Variants in ANKRD17 observed in about 807,000 individuals in gnomAD.
ANKRD17 encodes ankyrin repeat domain-containing protein 17.
ANKRD17 carries 19 observed loss-of-function variants against 229.7 expected under a neutral mutation model. That is an observed-to-expected ratio of 0.08 (90% CI 0.06 to 0.12). The LOEUF is 0.12. ANKRD17 is among the 10% of genes least tolerant of loss of function. The pLI is 1.00. For synonymous variants in ANKRD17, 1,112 were observed against 1,146.1 expected, an observed-to-expected ratio of 0.97 and a Z score of 0.60; for missense variants, 2,176 against 3,176.8, an observed-to-expected ratio of 0.68 and a Z score of 7.57.
At chr4:73,181,846 G>A (rs931702633) in intron 1 of ANKRD17, among the ~76,000 whole-genome samples, 21 of 151,646 alleles carry the variant, frequency 1.4e-4, no homozygotes, top group Non-Finnish European at 2.8e-4. Context: ...TTGGGAGTTC[G>A]AGACCAGCCT....
chr4:73,208,793 A>C (rs1254944972), intron 1 of ANKRD17, among the ~76,000 whole-genome samples: 1 of 152,244 alleles, frequency 6.6e-6, no homozygotes, highest in African/African-American at 2.4e-5. Flanking sequence ...ATAGTGTTTA[A>C]TATTAGTAGT....
At chr4:73,247,867 C>T (rs1251704554) in intron 1 of ANKRD17, among the ~76,000 whole-genome samples, 7 of 151,788 alleles carry the variant, frequency 4.6e-5, no homozygotes, top group Non-Finnish European at 7.4e-5. Context: ...AATGAAAAGA[C>T]GTATTTCAGG....
At chr4:73,161,071 A>C (rs1732466999) in intron 3 of ANKRD17, 121 bp downstream of exon 3, 2 of 1,221,692 alleles carry the variant, frequency 1.6e-6, no homozygotes, top group Non-Finnish European at 2.2e-6. Context: ...ATAAGACATC[A>C]CATGTTAAGT....
intron 5 of ANKRD17, 138 bp from the exon 6 acceptor site, chr4:73,154,251 A>T: frequency 1.1e-5 from 4 of 374,966 alleles, no homozygotes; most frequent in Non-Finnish European, 1.3e-5. Context: ...ATATGTAAAT[A>T]TATATCTATA....
At position 73,092,278 on chromosome 4, in the gene ANKRD17, G is replaced by C. The variant is rs765710844; in HGVS notation, c.5350C>G (p.Gln1784Glu). The C allele has an allele frequency of 5.0e-6, 8 of 1,613,086 alleles. No individual in the cohort carries two copies. The highest frequency in any genetic ancestry group is 6.8e-6 in the Non-Finnish European group (8 of 1,179,616). The change falls in exon 29 of 34, where the codon CAA (glutamine) becomes GAA (glutamate). Residue 1784 changes from glutamine to glutamate, a missense_variant. This residue lies in a region of ANKRD17 where 142 missense variants were observed against 200.4 expected (regional missense o/e 0.71). Coordinates refer to ENST00000358602, the MANE Select transcript of ANKRD17 (RefSeq NM_032217.5). ...TIRGGTESTR[Q>E]ATQLINALIK... ...AAAGCATTAATCAATTGAGTTGCTT[G>C]TCTTGTTGATTCAGTGCCACCCCTA...
intron 2 of ANKRD17, among the ~76,000 whole-genome samples, chr4:73,171,208 A>AGAGG (rs1201944116): frequency 4.0e-5 from 6 of 151,198 alleles, no homozygotes; most frequent in Admixed American, 1.3e-4. Flanking sequence ...AGAGAGAGAG[A>AGAGG]GAGAGAGAGA....
At chr4:73,174,928 C>T (rs1374647308) in intron 2 of ANKRD17, among the ~76,000 whole-genome samples, 1 of 152,034 alleles carries the variant, frequency 6.6e-6, no homozygotes, top group Non-Finnish European at 1.5e-5. Flanking sequence ...GAAGACGACA[C>T]AAGAAAAATG....
chr4:73,174,093 A>AGAAGGAAGGAAGGAAGGAAG (rs71217453), intron 2 of ANKRD17, among the ~76,000 whole-genome samples: 11,563 of 111,140 alleles, frequency 0.1, 945 homozygotes, highest in Non-Finnish European at 0.13. Flanking sequence ...AAGGGAGGGG[A>AGAAGGAAGGAAGGAAGGAAG]GAAGGAAGGA....
chr4:73,102,640 T>TA (rs1724147615), intron 24 of ANKRD17, 93 bp from the exon 25 acceptor site: 1 of 1,426,320 alleles, frequency 7.0e-7, no homozygotes, highest in South Asian at 1.3e-5. Context: ...GAAACCATGA[T>TA]ATCATAAAAT....
intron 29 of ANKRD17, among the ~76,000 whole-genome samples, chr4:73,090,303 G>A (rs747691763): frequency 3.3e-5 from 5 of 152,076 alleles, no homozygotes; most frequent in East Asian, 3.9e-4. Context: ...CCAGCTACTC[G>A]GGAGGCTGAG....
intron 2 of ANKRD17, among the ~76,000 whole-genome samples, chr4:73,167,115 G>A (rs1733337534): frequency 6.6e-6 from 1 of 152,086 alleles, no homozygotes; most frequent in African/African-American, 2.4e-5. Flanking sequence ...AACATAGGTG[G>A]CAATGTCAGC....
In ANKRD17 at chr4:73,258,485, G is replaced by A; in HGVS notation, c.184C>T (p.Leu62=). The change falls in exon 1 of 34, where the codon CTG becomes TTG. Residue 62 remains leucine (L), a synonymous_variant. Coordinates refer to ENST00000358602, the MANE Select transcript of ANKRD17 (RefSeq NM_032217.5). ...TGCTGCTGCGGCGGCTTCTTCTTCA[G>A]GAGCAGGTCGCAGACTCGCACCATC... The part of the protein sequence containing the change: ...RGMVRVCDLL[L]KKKPPQQQHH... 2 of 1,580,082 alleles carry A rather than the reference G, an allele frequency of 1.3e-6. No individual in the cohort carries two copies. The highest frequency in any genetic ancestry group is 1.7e-6 in the Non-Finnish European group (2 of 1,164,492).
chr4:73,208,379 A>T (rs1739798994), intron 1 of ANKRD17, among the ~76,000 whole-genome samples: 1 of 152,196 alleles, frequency 6.6e-6, no homozygotes, highest in African/African-American at 2.4e-5. Flanking sequence ...TTAAGAGTAC[A>T]GTACATTCTC....
At chr4:73,187,990 T>C (rs923505495) in intron 1 of ANKRD17, among the ~76,000 whole-genome samples, 4 of 152,210 alleles carry the variant, frequency 2.6e-5, no homozygotes, top group African/African-American at 4.8e-5. Context: ...TTATATTTCA[T>C]AGTGAACTAG....
chr4:73,234,207 AATC>A, intron 1 of ANKRD17, among the ~76,000 whole-genome samples: 1 of 152,238 alleles, frequency 6.6e-6, no homozygotes, highest in African/African-American at 2.4e-5. Context: ...TTAATTCCAA[AATC>A]AACAATTGAG....
At chr4:73,234,876 A>C (rs1435147987) in intron 1 of ANKRD17, among the ~76,000 whole-genome samples, 1 of 152,194 alleles carries the variant, frequency 6.6e-6, no homozygotes, top group Non-Finnish European at 1.5e-5. Flanking sequence ...AGAAGTCTTA[A>C]GAAAATTCTT....
Position 73,140,105 on chromosome 4 carries a change from C to G in ANKRD17, c.2511G>C (p.Leu837=). The change falls in exon 15 of 34, where the codon CTG becomes CTC. Residue 837 remains leucine (L), a synonymous_variant. Coordinates refer to ENST00000358602, the MANE Select transcript of ANKRD17 (RefSeq NM_032217.5). ...CCTTGGTAAGTTGGTCAGCATGAGCCAGTTCCAAGGACTGCAGCTGTGCAT... is the reference window on the plus strand; with the variant it reads ...CCTTGGTAAGTTGGTCAGCATGAGCGAGTTCCAAGGACTGCAGCTGTGCAT... ...EKNAQLQSLE[L]AHADQLTKEK... is the part of the protein sequence containing the mutation. The G allele has an allele frequency of 6.2e-7, 1 of 1,614,150 alleles. No homozygotes were observed. The highest frequency in any genetic ancestry group is 8.5e-7 in the Non-Finnish European group (1 of 1,180,022).
chr4:73,103,441 A>T (rs1724238462), intron 24 of ANKRD17, among the ~76,000 whole-genome samples: 1 of 152,182 alleles, frequency 6.6e-6, no homozygotes, highest in Admixed American at 6.5e-5. Context: ...TGAGTACATT[A>T]TTACTTTCAT....
At chr4:73,204,999 A>G (rs2149126226) in intron 1 of ANKRD17, among the ~76,000 whole-genome samples, 1 of 152,268 alleles carries the variant, frequency 6.6e-6, no homozygotes, top group East Asian at 1.9e-4. Flanking sequence ...TGAATGCATC[A>G]CACTACCTGA....
Sources: gnomAD v4.1 joint callset for allele counts (sites outside exome capture counted in the v4.1 genomes callset) on GRCh38, gnomAD v4.1.1 for gene constraint, gnomAD v4.1.1 regional missense constraint, MANE v1.5 for transcripts, NCBI Gene and HGNC (gene_info 2026-07-23, HGNC 2026-07-21) for gene names.